The following MTHFSD variants were observed in gnomAD, a reference collection of about 807,000 sequenced individuals.
MTHFSD encodes methenyltetrahydrofolate synthase domain-containing protein.
MTHFSD carries 37 observed loss-of-function variants against 31.1 expected under a neutral mutation model. The observed-to-expected ratio is 1.19, with a 90% CI of 0.91 to 1.56. The LOEUF (loss-of-function observed/expected upper bound fraction) is 1.56. Among genes scored for constraint, MTHFSD ranks in the 40% most tolerant of loss-of-function variants. The pLI is 0.00. For missense variants in MTHFSD, 664 were observed against 510.1 expected (o/e 1.30, Z -2.91); for synonymous variants, 221 against 206.9 (o/e 1.07, Z -0.59).
intron 7 of MTHFSD, chr16:86,532,892 T>A (rs1308775912): frequency 6.5e-6 from 1 of 154,384 alleles, no homozygotes; most frequent in Non-Finnish European, 1.4e-5. Flanking sequence ...GCTCCCCTAA[T>A]GACCCCCCCA....
rs1365694185 is a variant in MTHFSD at position 86,535,202 on chromosome 16, C to T, written c.682-2721G>A. On this transcript the variant is annotated intron_variant, in intron 7 of 7. Transcript: ENST00000360900. The stretch of plus-strand genomic sequence containing the variant: ...GCCAGGGCACTGGCACACTGGCATC[C>T]GCAGGGGCCGTTAGAATGGAAATGT... 6.9e-6 allele frequency: 6 copies of T among 867,338 alleles called. No homozygotes were observed. In the East Asian group the frequency reaches 1.0e-3, roughly 145 times the overall value. 53.7% of individuals were successfully genotyped at this position (867,338 alleles called of 1,614,324 possible). A position where few individuals can be genotyped will look rare whatever the true frequency, so the allele number is the denominator to read the frequency against.
rs776149548 is a variant in MTHFSD at position 86,546,601 on chromosome 16, C to T, written c.400G>A (p.Val134Met). 12 of 1,613,882 alleles carry T rather than the reference C, an allele frequency of 7.4e-6. No homozygotes were observed. The highest frequency in any genetic ancestry group is 5.0e-5 in the Admixed American group (3 of 60,004). ...ACGGATCCCACCACAACTAAATCCA[C>T]GAGGACTCTGGAGTCCAAGCCTATG... ...VPIGLDSRVL[V>M]DLVVVGSVAV... Residue 134 changes from valine (V) to methionine (M), a missense_variant, in exon 5 of 8, where the codon GTG becomes ATG. Coordinates refer to ENST00000360900, the MANE Select transcript of MTHFSD (RefSeq NM_001159377.2).
intron 3 of MTHFSD, among the ~76,000 whole-genome samples, chr16:86,550,152 A>G (rs1294736512): frequency 6.6e-6 from 1 of 152,194 alleles, no homozygotes; most frequent in East Asian, 1.9e-4. Context: ...GGGGCTCAGG[A>G]ACTTGCATCT....
intron 5 of MTHFSD, among the ~76,000 whole-genome samples, chr16:86,543,960 C>A (rs1298625373): frequency 1.3e-5 from 2 of 152,204 alleles, no homozygotes; most frequent in African/African-American, 4.8e-5. Context: ...AGGTTGCGTG[C>A]TCCTGATGAG....
chr16:86,535,046 C>T (rs1184838584), intron 7 of MTHFSD, among the ~76,000 whole-genome samples: 1 of 152,238 alleles, frequency 6.6e-6, no homozygotes, highest in African/African-American at 2.4e-5. Context: ...TGTTTTGAAA[C>T]ATGCCGTGGG....
chr16:86,545,052 G>A (rs1231566540), intron 5 of MTHFSD, among the ~76,000 whole-genome samples: 1 of 152,186 alleles, frequency 6.6e-6, no homozygotes, highest in Non-Finnish European at 1.5e-5. Flanking sequence ...ACTGGGGCCT[G>A]TCAGGGCAGG....
intron 4 of MTHFSD, 66 bp downstream of exon 4, chr16:86,548,398 A>T: frequency 8.1e-7 from 1 of 1,242,086 alleles, no homozygotes; most frequent in Non-Finnish European, 1.2e-6. Context: ...ATCTTATGCT[A>T]AGTCGTCAGA....
intron 4 of MTHFSD, chr16:86,547,112 G>T: frequency 1.1e-6 from 1 of 934,792 alleles, no homozygotes; most frequent in Non-Finnish European, 1.3e-6. Flanking sequence ...ATAACAAAAC[G>T]TATGCATTTA....
chr16:86,554,990 C>T (rs1002330138), intron 1 of MTHFSD, 179 bp downstream of exon 1: 8 of 1,361,340 alleles, frequency 5.9e-6, no homozygotes, highest in African/African-American at 1.5e-5. Context: ...CTCGGGATTC[C>T]GGGCGAGAGA....
chr16:86,535,211 C>T (rs1200947087), intron 7 of MTHFSD: 23 of 967,030 alleles, frequency 2.4e-5, no homozygotes, highest in Non-Finnish European at 2.6e-5. Context: ...CCGCAGGGGC[C>T]GTTAGAATGG....
At chr16:86,550,617 G>T (rs1036199547) in intron 3 of MTHFSD, among the ~76,000 whole-genome samples, 1 of 152,226 alleles carries the variant, frequency 6.6e-6, no homozygotes, top group Admixed American at 6.5e-5. Context: ...GGCTCCCATA[G>T]TAGTAGAGAA....
At chr16:86,544,290 G>A (rs1174365844) in intron 5 of MTHFSD, among the ~76,000 whole-genome samples, 1 of 152,036 alleles carries the variant, frequency 6.6e-6, no homozygotes, top group Non-Finnish European at 1.5e-5. Flanking sequence ...AGTGAACAGA[G>A]AACCTACAAA....
chr16:86,549,860 G>A (rs779110453), intron 3 of MTHFSD, among the ~76,000 whole-genome samples: 5 of 152,282 alleles, frequency 3.3e-5, no homozygotes, highest in Admixed American at 1.3e-4. Context: ...CCACTTTAGA[G>A]ACTCACAGGT....
chr16:86,542,175 C>A lies in MTHFSD; in HGVS notation c.481G>T (p.Glu161Ter). ...CCCATGGATACCATCATGGCATATT[C>A]CAGATCGGCGTAGCCTTCTCCCTTC... ...IGKGEGYADL[E>*]YAMMVSMGAV... Residue 161 changes from glutamate (E) to a stop codon, truncating the protein, a stop_gained, in exon 6 of 8, where the codon GAA (glutamate) becomes TAA (stop). Transcript: ENST00000360900. LOFTEE classifies it high-confidence loss of function. This position sits in a 1 kb window ranked among gnomAD's most constrained non-coding sequence, Gnocchi z 4.6. The A allele has an allele frequency of 6.2e-7, 1 of 1,613,882 alleles. No homozygotes were observed. Among genetic ancestry groups the A allele is most frequent in the Non-Finnish European group, 8.5e-7 (1 of 1,180,024 alleles).
chr16:86,541,901 G>A lies in MTHFSD; in HGVS notation c.556-79C>T, dbSNP rs528447170. On this transcript the variant is annotated intron_variant, in intron 6 of 7. Transcript: ENST00000360900. ...GCACACTGCCCCGCTCGGTGGGAAC[G>A]TGAGGCTGGCTAGAGAAGCACCCCC... 2.8e-4 allele frequency: 449 copies of A among 1,576,794 alleles called. 3 individuals are homozygous for A. The South Asian group carries it at 4.7e-3, about 16-fold the overall frequency.
At chr16:86,554,887 C>A in intron 1 of MTHFSD, 136 bp from the exon 2 acceptor site, 2 of 1,068,840 alleles carry the variant, frequency 1.9e-6, no homozygotes, top group Non-Finnish European at 1.3e-6. Flanking sequence ...CTCAGTTTCC[C>A]CGACCTCAAG....
intron 4 of MTHFSD, chr16:86,548,024 C>A: frequency 7.8e-7 from 1 of 1,285,450 alleles, no homozygotes; most frequent in Non-Finnish European, 1.0e-6. Flanking sequence ...TAATTATCAG[C>A]AATTACTCAC....
At chr16:86,541,422 G>T in intron 7 of MTHFSD, 1 of 595,346 alleles carries the variant, frequency 1.7e-6, no homozygotes, top group Non-Finnish European at 2.8e-6. Context: ...AAGCTTCAAG[G>T]CATTCACCCT....
intron 7 of MTHFSD, among the ~76,000 whole-genome samples, chr16:86,534,145 A>C (rs1267696188): frequency 6.6e-6 from 1 of 152,248 alleles, no homozygotes; most frequent in Non-Finnish European, 1.5e-5. Flanking sequence ...AAAGGAAAAC[A>C]ACTCATGTCT....
Sources: allele counts gnomAD v4.1 joint callset (sites outside exome capture counted in the v4.1 genomes callset), GRCh38; gene constraint gnomAD v4.1.1; non-coding constraint Gnocchi (gnomAD v3.1); transcripts MANE v1.5; gene names NCBI Gene and HGNC (gene_info 2026-07-23, HGNC 2026-07-21).